The following CNP variants were observed in gnomAD, a reference collection of about 807,000 sequenced individuals.
The protein encoded by CNP is 2',3'-cyclic nucleotide 3' phosphodiesterase, also known as 2',3'-cyclic-nucleotide 3'-phosphodiesterase.
Under a neutral mutation model 37.9 loss-of-function variants are expected in CNP, and 8 were observed. That is an observed-to-expected ratio of 0.21 (90% confidence interval 0.12 to 0.38). CNP has a LOEUF of 0.38. CNP is among the 10% of genes least tolerant of loss of function. The probability of loss-of-function intolerance (pLI) is 1.00; values close to 1 mark genes in which losing one functional copy is unlikely to be tolerated. For missense variants in CNP, 457 were observed against 551.0 expected (o/e 0.83, Z 1.71); for synonymous variants, 237 against 238.3 (o/e 0.99, Z 0.05).
Position 41,973,755 on chromosome 17 carries a change from A to C in CNP, c.1097A>C (p.Glu366Ala), listed in dbSNP as rs782003027. ...KGGSRGEEVG[E>A]LSRGKLYSLG... ...GGCAGCCGAGGCGAGGAGGTGGGCG[A>C]GCTAAGCCGGGGCAAGCTCTATTCC... Residue 366 changes from glutamate to alanine, a missense_variant, in exon 4 of 4, where the codon GAG becomes GCG. Transcript: ENST00000393892. 2 of 1,612,198 alleles carry C rather than the reference A, an allele frequency of 1.2e-6. No homozygotes were observed. Among genetic ancestry groups the C allele is most frequent in the Middle Eastern group, 3.3e-4 (2 of 6,050 alleles).
chr17:41,973,444 A>G (rs2051021395), intron 3 of CNP, 31 bp from the exon 4 acceptor site: 1 of 1,589,074 alleles, frequency 6.3e-7, no homozygotes, highest in African/African-American at 1.3e-5. Flanking sequence ...TGCCATCTCT[A>G]GCTTGGGCCC....
Position 41,976,604 on chromosome 17 carries a change from A to G in CNP, c.*2680A>G, listed in dbSNP as rs983448360. ...CACCCCACTCACAGAGACACAGGGC[A>G]TCCAACTGAGAAAACGAAACTGCTC... On this transcript the variant is annotated 3_prime_UTR_variant, in exon 4 of 4. Transcript: ENST00000393892. The G allele has an allele frequency of 8.4e-7, 1 of 1,191,212 alleles. No individual in the cohort carries two copies. The highest frequency in any genetic ancestry group is 1.2e-6 in the Non-Finnish European group (1 of 859,096). The allele number at this position is 1,191,212 out of a possible 1,614,324, so 73.8% of individuals were successfully genotyped here. A position where few individuals can be genotyped will look rare whatever the true frequency, so the allele number is the denominator to read the frequency against.
Position 41,973,903 on chromosome 17 carries a change from G to C in CNP, c.1245G>C (p.Leu415Phe), listed in dbSNP as rs1052794149. The C allele has an allele frequency of 6.4e-7, 1 of 1,555,220 alleles. No homozygotes were observed. The highest frequency in any genetic ancestry group is 1.2e-5 in the South Asian group (1 of 81,326). ...PTQGSRKGGA[L>F]QSCTII ...AAGGTAGCCGGAAGGGGGGCGCCTT[G>C]CAGTCCTGCACCATCATATGAGTGT... Residue 415 changes from leucine to phenylalanine, a missense_variant, in exon 4 of 4, where the codon TTG becomes TTC. By Grantham distance (22) the Leu-to-Phe change is conservative (BLOSUM62 0). This residue lies in a region of CNP where 291 missense variants were observed against 291.7 expected (regional missense o/e 1.00). Coordinates refer to ENST00000393892, the MANE Select transcript of CNP (RefSeq NM_033133.5).
chr17:41,969,842 C>T (rs1255156245), intron 2 of CNP, among the ~76,000 whole-genome samples: 3 of 152,186 alleles, frequency 2.0e-5, no homozygotes, highest in African/African-American at 7.2e-5. Context: ...AGGCGTGAGC[C>T]ACCACCGCAC....
intron 2 of CNP, chr17:41,971,397 CTT>C (rs567987798): frequency 4.8e-4 from 66 of 138,882 alleles, no homozygotes; most frequent in Non-Finnish European, 4.6e-4. Context: ...AGAATTTTAA[CTT>C]TTTTTTTTTT....
Position 41,971,936 on chromosome 17 carries a change from T to C in CNP, c.721T>C (p.Tyr241His). 2.5e-6 allele frequency: 4 copies of C among 1,613,908 alleles called. No individual in the cohort carries two copies. The highest frequency in any genetic ancestry group is 3.4e-6 in the Non-Finnish European group (4 of 1,179,948). The change falls in exon 3 of 4, where the codon TAC (tyrosine) becomes CAC (histidine). Residue 241 changes from tyrosine to histidine, a missense_variant. Tyr to His is a moderately conservative substitution (Grantham distance 83). Around this residue, in one of 2 missense-constraint regions of CNP, gnomAD observed 291 missense variants for 291.7 expected, o/e 1.00. Coordinates refer to ENST00000393892, the MANE Select transcript of CNP (RefSeq NM_033133.5). ...CAGGGAGAAGATGGACTTGGTCACCTACTTTGGAAAGAGACCCCCAGGCGT... is the reference window on the plus strand; with the variant it reads ...CAGGGAGAAGATGGACTTGGTCACCCACTTTGGAAAGAGACCCCCAGGCGT... Reference protein sequence around the residue: ...EPREKMDLVTYFGKRPPGVLH... With the variant: ...EPREKMDLVTHFGKRPPGVLH...
rs1264231539 is a variant in CNP, at chr17:41,974,933, A to G, written c.*1009A>G. 4 of 152,424 alleles carry G rather than the reference A, an allele frequency of 2.6e-5. No individual in the cohort carries two copies. Among genetic ancestry groups the G allele is most frequent in the Non-Finnish European group, 5.9e-5 (4 of 68,142 alleles). 9.4% of individuals were successfully genotyped at this position (152,424 alleles called of 1,614,324 possible). On this transcript the variant is annotated 3_prime_UTR_variant, in exon 4 of 4. Coordinates refer to ENST00000393892, the MANE Select transcript of CNP (RefSeq NM_033133.5). ...AGGGGCTGGTGGGCACCAAGAGCCA[A>G]TGGAGTAGACCCCTGGCTGGTAAGG...
At position 41,974,017 on chromosome 17, in the gene CNP, T is replaced by C. The variant is rs1354648610; in HGVS notation, c.*93T>C. On this transcript the variant is annotated 3_prime_UTR_variant, in exon 4 of 4. Transcript: ENST00000393892. ...TTGTTTTGTGACATTTTTTTTTTTT[T>C]TTTTTTTACTCAAAGTTAACCTACC... 6 of 1,216,228 alleles carry C rather than the reference T, an allele frequency of 4.9e-6. No individual in the cohort carries two copies. Among genetic ancestry groups the C allele is most frequent in the Non-Finnish European group, 6.4e-6 (6 of 931,162 alleles). 75.3% of individuals were successfully genotyped at this position (1,216,228 alleles called of 1,614,324 possible). A position where few individuals can be genotyped will look rare whatever the true frequency, so the allele number is the denominator to read the frequency against.
intron 1 of CNP, 67 bp downstream of exon 1, chr17:41,966,954 G>T (rs1319370444): frequency 5.5e-6 from 7 of 1,267,634 alleles, no homozygotes; most frequent in Non-Finnish European, 6.0e-6. Context: ...GGGGCCCCTC[G>T]GGAGGAAGCG....
intron 1 of CNP, 31 bp downstream of exon 1, chr17:41,966,918 T>C: frequency 1.5e-6 from 2 of 1,315,186 alleles, no homozygotes; most frequent in South Asian, 2.0e-5. Flanking sequence ...GGGCACGGGG[T>C]AGCACCAGGG....
intron 1 of CNP, chr17:41,967,255 A>C: frequency 1.5e-5 from 3 of 203,538 alleles, no homozygotes; most frequent in Non-Finnish European, 2.0e-5. Flanking sequence ...CATCACGCGG[A>C]ACCGCTGCCC....
Position 41,968,977 on chromosome 17 carries a change from T to TA in CNP, c.676+238dup, listed in dbSNP as rs1555643402. Among the ~76,000 whole-genome samples the TA allele has an allele frequency of 6.6e-5, 10 of 152,172 alleles. No individual in the cohort carries two copies. Among genetic ancestry groups the TA allele is most frequent in the Non-Finnish European group, 7.3e-5 (5 of 68,036 alleles). On this transcript the variant is annotated intron_variant, in intron 2 of 3. Transcript: ENST00000393892. This position sits in a 1 kb window ranked among gnomAD's most constrained non-coding sequence, Gnocchi z 4.8. The stretch of plus-strand genomic sequence containing the variant: ...TTTCCTCCCACCACACCTATCCTTC[T>TA]AGCCCTCTTCTCTCCGACACCCTTT...
chr17:41,967,745 A>C, intron 1 of CNP: 1 of 1,093,960 alleles, frequency 9.1e-7, no homozygotes, highest in Non-Finnish European at 1.1e-6. Context: ...TCCAAAGAGG[A>C]CGTCCTTAGT....
At chr17:41,970,263 A>AT (rs1375838810) in intron 2 of CNP, 3 of 151,138 alleles carry the variant, frequency 2.0e-5, no homozygotes, top group Non-Finnish European at 2.9e-5. Context: ...TGCCCGGCTA[A>AT]TTTTTTTTTA....
chr17:41,977,352 G>A lies in CNP; in HGVS notation c.*3428G>A. ...TAGAGCAGGGCAAGTAACATGGAAGGGAAGAAAAGGTGAAAAATTAGAAAT... is the reference window on the plus strand; with the variant it reads ...TAGAGCAGGGCAAGTAACATGGAAGAGAAGAAAAGGTGAAAAATTAGAAAT... On this transcript the variant is annotated 3_prime_UTR_variant, in exon 4 of 4. Coordinates refer to ENST00000393892, the MANE Select transcript of CNP (RefSeq NM_033133.5). 1 of 1,549,438 alleles carries A rather than the reference G, an allele frequency of 6.5e-7. No individual in the cohort carries two copies. The highest frequency in any genetic ancestry group is 2.4e-5 in the East Asian group (1 of 41,960).
At position 41,968,889 on chromosome 17, in the gene CNP, G is replaced by A. The variant is rs1555643379; in HGVS notation, c.676+149G>A. 9 of 945,802 alleles carry A rather than the reference G, an allele frequency of 9.5e-6. No homozygotes were observed. The highest frequency in any genetic ancestry group is 5.3e-5 in the South Asian group (3 of 56,432). 58.6% of individuals were successfully genotyped at this position (945,802 alleles called of 1,614,324 possible). A position where few individuals can be genotyped will look rare whatever the true frequency, so the allele number is the denominator to read the frequency against. ...CAGCGGGGGCAGGGGCAAGCGGTGC[G>A]TCCCAGTGGTAGCCTTGGGGAGTTG... On this transcript the variant is annotated intron_variant, in intron 2 of 3. Coordinates refer to ENST00000393892, the MANE Select transcript of CNP (RefSeq NM_033133.5). This position sits in a 1 kb window ranked among gnomAD's most constrained non-coding sequence, Gnocchi z 4.8.
rs1555645049 is a variant in CNP at position 41,977,262 on chromosome 17, T to G, written c.*3338T>G. On this transcript the variant is annotated 3_prime_UTR_variant, in exon 4 of 4. Coordinates refer to ENST00000393892, the MANE Select transcript of CNP (RefSeq NM_033133.5). ...CCCAAGAACAGCAGGCCCACCTACC[T>G]TCAAAGCTGAAGCCGCCAGGACCGC... 6.3e-7 allele frequency: 1 copy of G among 1,579,622 alleles called. No homozygotes were observed. The highest frequency in any genetic ancestry group is 1.2e-5 in the South Asian group (1 of 85,840).
Position 41,966,834 on chromosome 17 carries a change from C to T in CNP, c.-51C>T, listed in dbSNP as rs1555642933. 5.8e-6 allele frequency: 8 copies of T among 1,376,970 alleles called. No individual in the cohort carries two copies. The highest frequency in any genetic ancestry group is 1.6e-5 in the South Asian group (1 of 61,198). The allele number at this position is 1,376,970 out of a possible 1,614,324, so 85.3% of individuals were successfully genotyped here. A position where few individuals can be genotyped will look rare whatever the true frequency, so the allele number is the denominator to read the frequency against. On this transcript the variant is annotated 5_prime_UTR_variant, in exon 1 of 4. Transcript: ENST00000393892. ...GTGTCCCTCCGCGCAGGCGGGCGGC[C>T]CCGGAGCGCTGGTGCCGGCAGAGGC... is the stretch of plus-strand genomic sequence containing the variant.
intron 1 of CNP, 184 bp from the exon 2 acceptor site, chr17:41,967,884 A>C (rs1439020952): frequency 7.0e-7 from 1 of 1,427,220 alleles, no homozygotes; most frequent in Non-Finnish European, 9.1e-7. Flanking sequence ...GGAGAGCTTC[A>C]GACAAGCTTC....
Sources: gnomAD v4.1 joint callset for allele counts (sites outside exome capture counted in the v4.1 genomes callset) on GRCh38, gnomAD v4.1.1 for gene constraint, gnomAD v4.1.1 regional missense constraint, Gnocchi (gnomAD v3.1) non-coding constraint, MANE v1.5 for transcripts, NCBI Gene and HGNC (gene_info 2026-07-23, HGNC 2026-07-21) for gene names.